The following TEAD4 variants were observed in gnomAD, a reference collection of about 807,000 sequenced individuals.
TEAD4 encodes the protein TEA domain transcription factor 4, also known as transcriptional enhancer factor TEF-3.
A neutral mutation model predicts 52.4 loss-of-function variants in TEAD4; 36 were observed. That is an observed-to-expected ratio of 0.69 (90% CI 0.53 to 0.91). The LOEUF (loss-of-function observed/expected upper bound fraction) is 0.91, where lower values mean the gene tolerates loss of function less well. Ranked by LOEUF, TEAD4 falls within the 40% of genes least tolerant of loss-of-function variation. The pLI, the probability that TEAD4 is intolerant of heterozygous loss-of-function variation, is 0.00. For missense variants in TEAD4, 508 were observed against 583.9 expected, an observed-to-expected ratio of 0.87 and a Z score of 1.34; for synonymous variants, 220 against 231.0, an observed-to-expected ratio of 0.95 and a Z score of 0.43.
chr12:3,019,011 A>G, intron 7 of TEAD4, 104 bp from the exon 8 acceptor site: 1 of 1,441,060 alleles, frequency 6.9e-7, no homozygotes, highest in South Asian at 1.2e-5. Flanking sequence ...GACCACTGAA[A>G]TCCAGACCAC....
chr12:3,007,965 A>G (rs1030537828), intron 3 of TEAD4, among the ~76,000 whole-genome samples: 2 of 152,198 alleles, frequency 1.3e-5, no homozygotes, highest in Non-Finnish European at 2.9e-5. Context: ...GCATCTTAGC[A>G]TTCATTCCCT....
rs1038813591 is a variant in TEAD4, at chr12:3,012,289, T to G, written c.354+57T>G. The G allele has an allele frequency of 1.9e-6, 3 of 1,580,326 alleles. No individual in the cohort carries two copies. In the East Asian group the frequency reaches 6.8e-5, roughly 36 times the overall value. Reference sequence around the variant, plus strand: ...GCCAGGAGTGGTGGCCAGCAGCATATCTTCCCTTTGGGGTCAGGGCATCAC... The same window carrying G: ...GCCAGGAGTGGTGGCCAGCAGCATAGCTTCCCTTTGGGGTCAGGGCATCAC... On this transcript the variant is annotated intron_variant, in intron 5 of 12. Coordinates refer to ENST00000359864, the MANE Select transcript of TEAD4 (RefSeq NM_003213.4).
chr12:3,005,108 A>C (rs1028674316), intron 3 of TEAD4, among the ~76,000 whole-genome samples: 1 of 152,204 alleles, frequency 6.6e-6, no homozygotes, highest in Non-Finnish European at 1.5e-5. Flanking sequence ...AGTGAAATAT[A>C]CCAGACGCAG....
intron 2 of TEAD4, among the ~76,000 whole-genome samples, chr12:2,988,943 A>G (rs2098240899): frequency 6.6e-6 from 1 of 152,184 alleles, no homozygotes; most frequent in Non-Finnish European, 1.5e-5. Flanking sequence ...ATGCGTCTCT[A>G]TCCTTTGTGA....
At chr12:3,037,933 T>C (rs903332183) in intron 10 of TEAD4, 35 bp from the exon 11 acceptor site, 2 of 1,595,460 alleles carry the variant, frequency 1.3e-6, no homozygotes, top group African/African-American at 2.7e-5. Flanking sequence ...TGGCACCTGC[T>C]GACACTCCCT....
intron 2 of TEAD4, among the ~76,000 whole-genome samples, chr12:2,988,387 C>T (rs1020436750): frequency 2.0e-5 from 3 of 151,052 alleles, no homozygotes; most frequent in African/African-American, 4.9e-5. Context: ...GGTGAGGTGG[C>T]GGGTGCCTAT....
intron 10 of TEAD4, among the ~76,000 whole-genome samples, chr12:3,022,612 G>A (rs111256968): frequency 3.3e-5 from 5 of 152,342 alleles, no homozygotes; most frequent in African/African-American, 9.6e-5. Context: ...ACCCCGGGCA[G>A]GTATTTTGTG....
At chr12:3,007,428 G>C (rs896462549) in intron 3 of TEAD4, among the ~76,000 whole-genome samples, 7 of 152,218 alleles carry the variant, frequency 4.6e-5, no homozygotes, top group African/African-American at 1.7e-4. Flanking sequence ...TCCTAGGTCT[G>C]CTGTGGGTGA....
intron 10 of TEAD4, among the ~76,000 whole-genome samples, chr12:3,026,665 G>A (rs2098272319): frequency 6.6e-6 from 1 of 152,176 alleles, no homozygotes; most frequent in Non-Finnish European, 1.5e-5. Flanking sequence ...TTGCTGTTCT[G>A]AATAAAATCA....
At chr12:3,026,846 T>A (rs915984286) in intron 10 of TEAD4, among the ~76,000 whole-genome samples, 1 of 152,240 alleles carries the variant, frequency 6.6e-6, no homozygotes, top group Non-Finnish European at 1.5e-5. Flanking sequence ...CTGTTGAATA[T>A]TTAATTTCGG....
intron 2 of TEAD4, among the ~76,000 whole-genome samples, chr12:2,989,715 C>T (rs1276373457): frequency 3.3e-5 from 5 of 152,230 alleles, no homozygotes; most frequent in African/African-American, 1.2e-4. Flanking sequence ...GCTGGGATTA[C>T]AGGCATGACC....
At chr12:3,008,110 C>G (rs1360068310) in intron 3 of TEAD4, among the ~76,000 whole-genome samples, 1 of 152,116 alleles carries the variant, frequency 6.6e-6, no homozygotes, top group Non-Finnish European at 1.5e-5. Flanking sequence ...GGGGTGAGGG[C>G]ACAGACAGTA....
intron 2 of TEAD4, among the ~76,000 whole-genome samples, chr12:2,985,559 G>A (rs1460509644): frequency 8.3e-6 from 1 of 120,262 alleles, no homozygotes; most frequent in Non-Finnish European, 1.6e-5. Flanking sequence ...AGGCTGGAGT[G>A]TAGTGGCACG....
intron 10 of TEAD4, 22 bp downstream of exon 10, chr12:3,022,039 C>T (rs774101629): frequency 4.0e-5 from 64 of 1,612,228 alleles, no homozygotes; most frequent in Non-Finnish European, 5.2e-5. Flanking sequence ...ATAACCCCTT[C>T]TTTCCTGCCA....
intron 10 of TEAD4, among the ~76,000 whole-genome samples, chr12:3,026,785 G>A (rs1206248860): frequency 6.6e-6 from 1 of 152,188 alleles, no homozygotes; most frequent in Non-Finnish European, 1.5e-5. Flanking sequence ...GCATCCTACA[G>A]TTAAGGGTGA....
intron 2 of TEAD4, among the ~76,000 whole-genome samples, chr12:2,965,399 A>G (rs1476198492): frequency 6.6e-6 from 1 of 152,062 alleles, no homozygotes; most frequent in African/African-American, 2.4e-5. Context: ...GGCTCAAGCA[A>G]TCCTCCTACC....
Position 3,018,696 on chromosome 12 carries a change from G to A in TEAD4, c.527+108G>A. On this transcript the variant is annotated intron_variant, in intron 7 of 12. Coordinates refer to ENST00000359864, the MANE Select transcript of TEAD4 (RefSeq NM_003213.4). The stretch of plus-strand genomic sequence containing the variant: ...CCCAGGGTGTGCTGGGGCCGCTGCT[G>A]GGGTCGGCCTTTCAGGATGGCTCTG... 7.0e-6 allele frequency: 10 copies of A among 1,432,050 alleles called. No individual in the cohort carries two copies. The South Asian group carries it at 1.2e-4, about 17-fold the overall frequency. The allele number at this position is 1,432,050 out of a possible 1,614,324, so 88.7% of individuals were successfully genotyped here.
At position 2,994,871 on chromosome 12, in the gene TEAD4, C is replaced by T. The variant is rs373453000; in HGVS notation, c.105C>T (p.Ile35=). The T allele has an allele frequency of 9.3e-6, 15 of 1,614,088 alleles. No homozygotes were observed. The highest frequency in any genetic ancestry group is 5.3e-5 in the African/African-American group (4 of 75,054). Residue 35 remains isoleucine (I), a synonymous_variant, in exon 3 of 13, where the codon ATC becomes ATT. Coordinates refer to ENST00000359864, the MANE Select transcript of TEAD4 (RefSeq NM_003213.4). This position sits in a 1 kb window ranked among gnomAD's most constrained non-coding sequence, Gnocchi z 4.7. ...GCAGTCAGGCACTGGACAAGCCCAT[C>T]GACAATGACGCAGAGGGCGTGTGGA...
At position 2,960,213 on chromosome 12, in the gene TEAD4, C is replaced by T. The variant is rs982478080; in HGVS notation, c.-30+173C>T. 7.5e-5 allele frequency: 67 copies of T among 893,130 alleles called. No individual in the cohort carries two copies. The Admixed American group carries it at 8.0e-4, about 11-fold the overall frequency. The allele number at this position is 893,130 out of a possible 1,614,324, so 55.3% of individuals were successfully genotyped here. Reference sequence around the variant, plus strand: ...CAGGGGCGGGTAAGGGGGGTGGACACTCGGGACTTTGGGGGAAAGGGAGGC... The same window carrying T: ...CAGGGGCGGGTAAGGGGGGTGGACATTCGGGACTTTGGGGGAAAGGGAGGC... On this transcript the variant is annotated intron_variant, in intron 2 of 12. Coordinates refer to ENST00000359864, the MANE Select transcript of TEAD4 (RefSeq NM_003213.4).
Sources: allele counts gnomAD v4.1 joint callset (sites outside exome capture counted in the v4.1 genomes callset), GRCh38; gene constraint gnomAD v4.1.1; non-coding constraint Gnocchi (gnomAD v3.1); transcripts MANE v1.5; gene names NCBI Gene and HGNC (gene_info 2026-07-23, HGNC 2026-07-21).